The following SUMF1 variants were observed in gnomAD, a reference collection of about 807,000 sequenced individuals.
SUMF1 encodes sulfatase modifying factor 1.
SUMF1 carries 48 observed loss-of-function variants against 47.6 expected under a neutral mutation model. The ratio of observed to expected loss-of-function variants is 1.01; its 90% CI spans 0.80 to 1.28. The LOEUF is 1.28. Among genes scored for constraint, SUMF1 ranks in the 50% most tolerant of loss-of-function variants. The pLI is 0.00. For missense variants in SUMF1, 571 were observed against 485.4 expected (o/e 1.18, Z -1.66); for synonymous variants, 230 against 192.1 (o/e 1.20, Z -1.63).
At chr3:4,449,424 AG>A in intron 2 of SUMF1, 84 bp from the exon 3 acceptor site, 1 of 1,327,498 alleles carries the variant, frequency 7.5e-7, no homozygotes, top group Non-Finnish European at 1.1e-6. Context: ...ACACTATTAA[AG>A]TGATTCCTCT....
At chr3:4,072,083 T>G (rs142095790) in intron 8 of SUMF1, among the ~76,000 whole-genome samples, 51 of 152,208 alleles carry the variant, frequency 3.4e-4, no homozygotes, top group Middle Eastern at 3.4e-3. Context: ...AAGACAAATT[T>G]TCCAGAGTAA....
At chr3:4,440,803 A>G (rs1367058895) in intron 3 of SUMF1, among the ~76,000 whole-genome samples, 1 of 152,220 alleles carries the variant, frequency 6.6e-6, no homozygotes, top group Non-Finnish European at 1.5e-5. Context: ...TGATCCAGAA[A>G]GTGCCAAGCT....
intron 5 of SUMF1, 29 bp downstream of exon 5, chr3:4,417,981 T>C: frequency 6.2e-7 from 1 of 1,613,688 alleles, no homozygotes; most frequent in Non-Finnish European, 8.5e-7. Context: ...ACCAACATAT[T>C]GTCAGGCAAA....
At chr3:4,127,391 T>G (rs1211554171) in intron 8 of SUMF1, among the ~76,000 whole-genome samples, 2 of 152,138 alleles carry the variant, frequency 1.3e-5, no homozygotes, top group African/African-American at 4.8e-5. Context: ...GATTAACATT[T>G]GAGTCAGTGG....
chr3:4,075,495 T>C (rs770113598), intron 8 of SUMF1, among the ~76,000 whole-genome samples: 9 of 152,032 alleles, frequency 5.9e-5, no homozygotes, highest in Non-Finnish European at 1.2e-4. Flanking sequence ...GCCAGGGCAA[T>C]TAGGCAAGAG....
chr3:4,225,456 A>C (rs975960856), intron 8 of SUMF1, among the ~76,000 whole-genome samples: 1 of 152,174 alleles, frequency 6.6e-6, no homozygotes, highest in Non-Finnish European at 1.5e-5. Flanking sequence ...TAAGCACCCA[A>C]TGAATGCTTG....
Position 4,254,465 on chromosome 3 carries a change from A to C in SUMF1, c.1014+121865T>G, listed in dbSNP as rs1230127141. Among the ~76,000 whole-genome samples, 55 of 151,004 alleles carry C rather than the reference A, an allele frequency of 3.6e-4. 1 individual carries two copies. Among genetic ancestry groups the C allele is most frequent in the Non-Finnish European group, 6.4e-4 (43 of 67,676 alleles). On this transcript the variant is annotated intron_variant and NMD_transcript_variant, in intron 8 of 12. Transcript: ENST00000448413. ...CCAAGGCTCGAGAACTACGTGAAGA[A>C]TGCAGAAGCCTCAGGAGCCGATGCC...
intron 8 of SUMF1, among the ~76,000 whole-genome samples, chr3:4,355,444 T>C (rs937382315): frequency 1.3e-5 from 2 of 152,200 alleles, no homozygotes; most frequent in African/African-American, 4.8e-5. Context: ...AAAATCTTAT[T>C]TGGCAAAGGT....
intron 8 of SUMF1, among the ~76,000 whole-genome samples, chr3:4,322,475 G>A (rs1317380779): frequency 1.3e-5 from 2 of 151,902 alleles, no homozygotes; most frequent in African/African-American, 2.4e-5. Context: ...ACTATTCCAT[G>A]AAAGTCTACG....
chr3:4,173,185 G>C (rs1333054977), intron 8 of SUMF1, among the ~76,000 whole-genome samples: 1 of 152,100 alleles, frequency 6.6e-6, no homozygotes, highest in Non-Finnish European at 1.5e-5. Flanking sequence ...TTATTTCTGA[G>C]GCCTCTCTTC....
At chr3:4,315,897 ATTAG>A (rs1249159747) in intron 8 of SUMF1, among the ~76,000 whole-genome samples, 3 of 151,826 alleles carry the variant, frequency 2.0e-5, no homozygotes, top group Admixed American at 6.6e-5. Context: ...AAATACAAAA[ATTAG>A]TTAGATGTGG....
chr3:4,073,126 C>A (rs980121024), intron 8 of SUMF1, among the ~76,000 whole-genome samples: 3 of 152,212 alleles, frequency 2.0e-5, no homozygotes, highest in African/African-American at 7.2e-5. Flanking sequence ...ATCAGACTAA[C>A]AGCGGATCTC....
chr3:4,242,231 T>G (rs2124998101), intron 8 of SUMF1, among the ~76,000 whole-genome samples: 1 of 152,256 alleles, frequency 6.6e-6, no homozygotes, highest in African/African-American at 2.4e-5. Flanking sequence ...ACAGGGACAA[T>G]TTGACTTCCT....
intron 8 of SUMF1, among the ~76,000 whole-genome samples, chr3:4,205,589 A>T (rs943254206): frequency 1.3e-5 from 2 of 152,180 alleles, no homozygotes; most frequent in Admixed American, 1.3e-4. Flanking sequence ...TTCAAAGGGC[A>T]TCGAGTGTTG....
intron 8 of SUMF1, among the ~76,000 whole-genome samples, chr3:4,270,192 T>C (rs763926588): frequency 1.3e-5 from 2 of 152,142 alleles, no homozygotes; most frequent in African/African-American, 2.4e-5. Context: ...GCTGAGTCAA[T>C]GACCTTGGGC....
intron 8 of SUMF1, among the ~76,000 whole-genome samples, chr3:4,290,749 G>C (rs984016548): frequency 2.0e-5 from 3 of 152,104 alleles, no homozygotes; most frequent in Admixed American, 2.0e-4. Flanking sequence ...TCCCCTGCTA[G>C]ACTGTAGGTA....
At chr3:4,437,681 G>A (rs2322684) in intron 3 of SUMF1, among the ~76,000 whole-genome samples, 49,599 of 152,078 alleles carry the variant, frequency 0.33, 8,944 homozygotes, top group East Asian at 0.42. Context: ...GCTCACACCT[G>A]TAATCTCAGC....
At chr3:4,191,028 G>C (rs537243213) in intron 8 of SUMF1, among the ~76,000 whole-genome samples, 3 of 152,270 alleles carry the variant, frequency 2.0e-5, no homozygotes, top group Admixed American at 6.5e-5. Flanking sequence ...AACAAGGTGA[G>C]ATCACAGAGC....
At chr3:4,113,620 G>A (rs1275022856) in intron 8 of SUMF1, among the ~76,000 whole-genome samples, 4 of 151,862 alleles carry the variant, frequency 2.6e-5, no homozygotes, top group Non-Finnish European at 5.9e-5. Flanking sequence ...CTAAAAGAGA[G>A]GACTTTTAAA....
Sources: gnomAD v4.1 joint callset for allele counts (sites outside exome capture counted in the v4.1 genomes callset) on GRCh38, gnomAD v4.1.1 for gene constraint, MANE v1.5 for transcripts, NCBI Gene and HGNC (gene_info 2026-07-23, HGNC 2026-07-21) for gene names.